SLC23A2: variants seen among roughly 807,000 people sequenced by gnomAD.
SLC23A2 encodes Na(+)/L-ascorbic acid transporter 2.
A neutral mutation model predicts 73.3 loss-of-function variants in SLC23A2; 36 were observed. The ratio of observed to expected loss-of-function variants is 0.49; its 90% CI spans 0.38 to 0.65. The LOEUF (loss-of-function observed/expected upper bound fraction) is 0.65. SLC23A2 is among the 30% of genes least tolerant of loss of function. The pLI is 0.00. For missense variants in SLC23A2, 507 were observed against 841.6 expected (o/e 0.60, Z 4.92); for synonymous variants, 343 against 327.3 (o/e 1.05, Z -0.52).
intron 1 of SLC23A2, among the ~76,000 whole-genome samples, chr20:4,973,275 T>C (rs747690623): frequency 3.9e-5 from 6 of 152,208 alleles, no homozygotes; most frequent in Non-Finnish European, 5.9e-5. Context: ...TGTATGCTTC[T>C]TTTGCAAATC....
chr20:4,995,688 G>A (rs1337737126), intron 1 of SLC23A2, among the ~76,000 whole-genome samples: 1 of 152,074 alleles, frequency 6.6e-6, no homozygotes, highest in East Asian at 1.9e-4. Context: ...GTCTAACTTC[G>A]AGCTTGGCAA....
chr20:4,876,950 C>T (rs1380434592), intron 9 of SLC23A2, among the ~76,000 whole-genome samples: 1 of 151,872 alleles, frequency 6.6e-6, no homozygotes, highest in Non-Finnish European at 1.5e-5. Context: ...TTTGCTTTTC[C>T]GCCTCATCAG....
At chr20:4,859,243 T>TAAAAAAAA in intron 16 of SLC23A2, 46 bp downstream of exon 16, 1 of 1,075,568 alleles carries the variant, frequency 9.3e-7, no homozygotes, top group Non-Finnish European at 1.3e-6. Context: ...AACACATATG[T>TAAAAAAAA]TAAAAAATAA....
intron 5 of SLC23A2, among the ~76,000 whole-genome samples, chr20:4,900,246 T>C (rs1931696743): frequency 6.6e-6 from 1 of 152,230 alleles, no homozygotes; most frequent in Admixed American, 6.5e-5. Context: ...GATGAATCCA[T>C]GCCTCACAAA....
rs57251923 is a variant in SLC23A2 at position 4,972,171 on chromosome 20, T to C, written c.-281-1252A>G. On this transcript the variant is annotated intron_variant, in intron 1 of 16. Coordinates refer to ENST00000338244, the MANE Select transcript of SLC23A2 (RefSeq NM_005116.6). ...TGGCCCTCCCTTGTGAAGAAAAACG[T>C]GCAAGGCAACCAACAGTTTAGCCAG... Among the ~76,000 whole-genome samples, 1,222 of 152,274 alleles carry C rather than the reference T, an allele frequency of 8.0e-3. 21 individuals carry two copies. Among genetic ancestry groups the C allele is most frequent in the African/African-American group, 0.029 (1,191 of 41,562 alleles).
chr20:4,879,277 C>T (rs546985179), intron 9 of SLC23A2, among the ~76,000 whole-genome samples: 51 of 151,916 alleles, frequency 3.4e-4, no homozygotes, highest in East Asian at 1.9e-4. Flanking sequence ...GGAGTGGTGG[C>T]GGATGCCTGT....
At chr20:4,896,438 C>T (rs921296813) in intron 6 of SLC23A2, among the ~76,000 whole-genome samples, 6 of 152,136 alleles carry the variant, frequency 3.9e-5, no homozygotes, top group African/African-American at 1.4e-4. Context: ...CCCCCCTCAG[C>T]CTGGGAGGCC....
At chr20:4,968,387 C>G (rs1266066901) in intron 2 of SLC23A2, among the ~76,000 whole-genome samples, 1 of 152,176 alleles carries the variant, frequency 6.6e-6, no homozygotes, top group Non-Finnish European at 1.5e-5. Context: ...GAAGAAAACC[C>G]TTTGTGGAGT....
intron 2 of SLC23A2, among the ~76,000 whole-genome samples, chr20:4,951,889 G>A (rs1161787140): frequency 6.6e-6 from 1 of 151,984 alleles, no homozygotes; most frequent in African/African-American, 2.4e-5. Flanking sequence ...GATCACCTAA[G>A]GTCAGGAGTT....
Position 5,001,481 on chromosome 20 carries a change from G to A in SLC23A2, c.-357C>T, listed in dbSNP as rs1200590027. On this transcript the variant is annotated 5_prime_UTR_variant, in exon 1 of 17. Coordinates refer to ENST00000338244, the MANE Select transcript of SLC23A2 (RefSeq NM_005116.6). ...AGTGCCCGCTGCAGCCTCCGCCTCC[G>A]GTCCCCGCGACAGCCGCCTGCAAAA... 4 of 149,948 alleles carry A rather than the reference G, an allele frequency of 2.7e-5. No homozygotes were observed. Among genetic ancestry groups the A allele is most frequent in the East Asian group, 2.0e-4 (1 of 5,098 alleles). The allele number at this position is 149,948 out of a possible 1,614,324, so 9.3% of individuals were successfully genotyped here.
At chr20:4,904,240 C>T (rs368170329) in intron 4 of SLC23A2, among the ~76,000 whole-genome samples, 13 of 152,264 alleles carry the variant, frequency 8.5e-5, no homozygotes, top group South Asian at 2.1e-4. Flanking sequence ...CATACCTATA[C>T]GACAGATCCC....
intron 13 of SLC23A2, 57 bp downstream of exon 13, chr20:4,867,713 C>G (rs1217209009): frequency 6.2e-6 from 6 of 961,670 alleles, no homozygotes. Flanking sequence ...CCAGATCGAT[C>G]AATGAAATGG....
intron 2 of SLC23A2, among the ~76,000 whole-genome samples, chr20:4,950,891 C>A (rs1352477034): frequency 6.6e-6 from 1 of 152,174 alleles, no homozygotes; most frequent in Non-Finnish European, 1.5e-5. Context: ...TTCACAGAAA[C>A]TTTGAGGAGC....
intron 3 of SLC23A2, among the ~76,000 whole-genome samples, chr20:4,930,165 C>A (rs1003075622): frequency 5.6e-4 from 86 of 152,256 alleles, no homozygotes; most frequent in African/African-American, 2.1e-3. Flanking sequence ...GAGACATGTT[C>A]AAGTTCTTGT....
rs2087137131 is a variant in SLC23A2 at position 4,947,577 on chromosome 20, AT to A, written c.-154-14862del. Reference sequence around the variant, plus strand: ...GAACTATCAAGTCCCAGGCACAAACATGGTTTCACTTAGCCCTTATAAAAAT... The same window carrying A: ...GAACTATCAAGTCCCAGGCACAAACAGGTTTCACTTAGCCCTTATAAAAAT... On this transcript the variant is annotated intron_variant, in intron 2 of 16. Coordinates refer to ENST00000338244, the MANE Select transcript of SLC23A2 (RefSeq NM_005116.6). This position sits in a 1 kb window ranked among gnomAD's most constrained non-coding sequence, Gnocchi z 4.4. 6.6e-6 allele frequency among the ~76,000 whole-genome samples: 1 copy of A among 152,184 alleles called. No individual in the cohort carries two copies. Among genetic ancestry groups the A allele is most frequent in the African/African-American group, 2.4e-5 (1 of 41,452 alleles).
intron 3 of SLC23A2, among the ~76,000 whole-genome samples, chr20:4,928,708 A>G (rs1262407859): frequency 6.6e-6 from 1 of 152,218 alleles, no homozygotes; most frequent in East Asian, 1.9e-4. Context: ...TAAAAATTCC[A>G]TAACATCCTT....
At chr20:4,990,401 A>G (rs2087906326) in intron 1 of SLC23A2, among the ~76,000 whole-genome samples, 1 of 151,802 alleles carries the variant, frequency 6.6e-6, no homozygotes, top group South Asian at 2.1e-4. Context: ...ACAGAGTCTC[A>G]CTCAGTGGCC....
intron 3 of SLC23A2, among the ~76,000 whole-genome samples, chr20:4,930,456 GAATT>G (rs1932776722): frequency 6.6e-6 from 1 of 152,290 alleles, no homozygotes; most frequent in East Asian, 1.9e-4. Context: ...AGCTCTCTGA[GAATT>G]AATACAATTT....
At chr20:4,874,193 C>T (rs959063202) in intron 10 of SLC23A2, 101 bp from the exon 11 acceptor site, 23 of 1,113,724 alleles carry the variant, frequency 2.1e-5, no homozygotes, top group African/African-American at 4.9e-5. Flanking sequence ...CCAGAGCCCA[C>T]CACAGTCAGT....
Sources: allele counts gnomAD v4.1 joint callset (sites outside exome capture counted in the v4.1 genomes callset), GRCh38; gene constraint gnomAD v4.1.1; non-coding constraint Gnocchi (gnomAD v3.1); transcripts MANE v1.5; gene names NCBI Gene and HGNC (gene_info 2026-07-23, HGNC 2026-07-21).